The following FMN1 variants were observed in gnomAD, a reference collection of about 807,000 sequenced individuals.
The protein encoded by FMN1 is formin 1, also known as formin-1.
A neutral mutation model predicts 132.4 loss-of-function variants in FMN1; 110 were observed. That is an observed-to-expected ratio of 0.83 (90% CI 0.71 to 0.97). The LOEUF is 0.97. Ranked by LOEUF, FMN1 falls within the 50% of genes least tolerant of loss-of-function variation. The pLI is 0.00. For synonymous variants in FMN1, 722 were observed against 651.7 expected (o/e 1.11, Z -1.64); for missense variants, 1,792 against 1,705.3 (o/e 1.05, Z -0.90).
At chr15:32,841,986 T>C (rs2058754966) in intron 17 of FMN1, among the ~76,000 whole-genome samples, 1 of 152,168 alleles carries the variant, frequency 6.6e-6, no homozygotes, top group Admixed American at 6.5e-5. Flanking sequence ...CCGTGGTAGC[T>C]TGTCTCCAAG....
chr15:32,933,620 A>G (rs535535952), intron 9 of FMN1, among the ~76,000 whole-genome samples: 1 of 152,220 alleles, frequency 6.6e-6, no homozygotes, highest in African/African-American at 2.4e-5. Flanking sequence ...GTTCTGTAAA[A>G]ATTTGCTTCA....
intron 7 of FMN1, among the ~76,000 whole-genome samples, chr15:32,996,340 A>G (rs922802019): frequency 1.3e-5 from 2 of 152,256 alleles, no homozygotes; most frequent in African/African-American, 4.8e-5. Context: ...ACCTAGGGTT[A>G]CATTGCATTT....
At chr15:32,835,892 ACT>A (rs1401976957) in intron 17 of FMN1, among the ~76,000 whole-genome samples, 1 of 151,890 alleles carries the variant, frequency 6.6e-6, no homozygotes, top group Non-Finnish European at 1.5e-5. Flanking sequence ...ACAGGTTCTC[ACT>A]CTGTTACCCA....
chr15:32,897,275 TTTC>T, intron 15 of FMN1, among the ~76,000 whole-genome samples: 1 of 152,328 alleles, frequency 6.6e-6, no homozygotes, highest in African/African-American at 2.4e-5. Flanking sequence ...GGGTTTTTCT[TTTC>T]TTCAGTCTGT....
chr15:33,154,443 T>C lies in FMN1; in HGVS notation c.472A>G (p.Lys158Glu). The change falls in exon 4 of 21, where the codon AAG (lysine) becomes GAG (glutamate). Residue 158 changes from lysine (K) to glutamate (E), a missense_variant. Physicochemically the swap from Lys to Glu is moderately conservative, Grantham distance 56. Transcript: ENST00000616417. Reference sequence around the variant, plus strand: ...CTCCTTCCACTAGACCTCCGAGGCTTTTTGTTCCCGTGGGTGCTCCTCTTA... The same window carrying C: ...CTCCTTCCACTAGACCTCCGAGGCTCTTTGTTCCCGTGGGTGCTCCTCTTA... ...LNKRSTHGNK[K>E]PRRSSGRRES... The C allele has an allele frequency of 6.5e-7, 1 of 1,535,970 alleles. No individual in the cohort carries two copies. The highest frequency in any genetic ancestry group is 8.7e-7 in the Non-Finnish European group (1 of 1,146,886).
chr15:33,172,461 T>C (rs1020829139), intron 3 of FMN1, among the ~76,000 whole-genome samples: 1 of 152,212 alleles, frequency 6.6e-6, no homozygotes, highest in African/African-American at 2.4e-5. Flanking sequence ...GAGAGTGTTA[T>C]GTGGCTCTTC....
intron 16 of FMN1, 142 bp downstream of exon 16, chr15:32,888,030 G>A (rs541421010): frequency 2.8e-5 from 17 of 596,632 alleles, no homozygotes; most frequent in African/African-American, 2.4e-4. Flanking sequence ...TGTAGAGAAG[G>A]AAAGTTTCCT....
chr15:32,926,387 A>ATT, intron 9 of FMN1, 126 bp from the exon 10 acceptor site: 1 of 536,578 alleles, frequency 1.9e-6, no homozygotes, highest in South Asian at 2.5e-5. Context: ...TGCTGCATGC[A>ATT]CTCTTTAAAT....
At chr15:32,829,749 G>C (rs759469695) in intron 17 of FMN1, among the ~76,000 whole-genome samples, 1 of 152,104 alleles carries the variant, frequency 6.6e-6, no homozygotes, top group East Asian at 1.9e-4. Flanking sequence ...CTGTTTAAAG[G>C]GTAAGATTCG....
At chr15:33,103,514 G>T (rs946588599) in intron 4 of FMN1, among the ~76,000 whole-genome samples, 5 of 152,152 alleles carry the variant, frequency 3.3e-5, no homozygotes, top group African/African-American at 1.2e-4. Flanking sequence ...AAGGTAGAAT[G>T]AGACAGAGCT....
chr15:32,969,376 G>A lies in FMN1; in HGVS notation c.2325C>T (p.His775=). ...TIENLKHELE[H]RWRGGCEERK... ...TCTCTTCACAACCCCCTCGCCATCTGTGTTCTAGCTCGTGTTTCAGATTTT... is the reference window on the plus strand; with the variant it reads ...TCTCTTCACAACCCCCTCGCCATCTATGTTCTAGCTCGTGTTTCAGATTTT... Residue 775 remains histidine, a synonymous_variant, in exon 8 of 21, where the codon CAC becomes CAT. Coordinates refer to ENST00000616417, the MANE Select transcript of FMN1 (RefSeq NM_001277313.2). 2 of 1,613,948 alleles carry A rather than the reference G, an allele frequency of 1.2e-6. No individual in the cohort carries two copies. Among genetic ancestry groups the A allele is most frequent in the South Asian group, 2.2e-5 (2 of 91,086 alleles).
In FMN1 at chr15:32,891,516, G is replaced by C. The variant is rs550730158; in HGVS notation, c.3715-3224C>G. 2.0e-4 allele frequency among the ~76,000 whole-genome samples: 31 copies of C among 152,346 alleles called. 1 individual carries two copies. In the South Asian group the frequency reaches 4.8e-3, roughly 23 times the overall value. ...GCATTCCAACTGGGATTACAGGCGT[G>C]AGCCACCGTGTCCAGCCTAGAGTTG... is the stretch of plus-strand genomic sequence containing the variant. On this transcript the variant is annotated intron_variant, in intron 15 of 20. Coordinates refer to ENST00000616417, the MANE Select transcript of FMN1 (RefSeq NM_001277313.2).
intron 3 of FMN1, among the ~76,000 whole-genome samples, chr15:33,158,411 T>G (rs559362149): frequency 1.1e-4 from 16 of 151,552 alleles, no homozygotes; most frequent in South Asian, 1.0e-3. Context: ...AAAGCCACAA[T>G]GCAAGGCATA....
intron 17 of FMN1, among the ~76,000 whole-genome samples, chr15:32,850,533 A>C (rs1414555286): frequency 6.6e-6 from 1 of 152,140 alleles, no homozygotes; most frequent in Non-Finnish European, 1.5e-5. Flanking sequence ...TAAACAGAAA[A>C]CCCAAGGAGG....
chr15:33,088,727 A>C, intron 5 of FMN1, 72 bp downstream of exon 5: 1 of 1,303,268 alleles, frequency 7.7e-7, no homozygotes, highest in Non-Finnish European at 1.0e-6. Context: ...CACAATTTAC[A>C]TTAAATACAT....
At chr15:32,900,660 A>C (rs2060272560) in intron 13 of FMN1, among the ~76,000 whole-genome samples, 1 of 152,182 alleles carries the variant, frequency 6.6e-6, no homozygotes, top group Non-Finnish European at 1.5e-5. Flanking sequence ...ATCTTTAATA[A>C]ATTTATTAAA....
intron 6 of FMN1, among the ~76,000 whole-genome samples, chr15:33,040,416 AAAC>A (rs1325478404): frequency 1.3e-5 from 2 of 152,202 alleles, no homozygotes; most frequent in Admixed American, 1.3e-4. Flanking sequence ...ACAGTGGCAA[AAAC>A]AACAAAACAG....
At chr15:32,958,659 C>CT (rs1168772878) in intron 9 of FMN1, among the ~76,000 whole-genome samples, 2 of 152,160 alleles carry the variant, frequency 1.3e-5, no homozygotes, top group African/African-American at 4.8e-5. Flanking sequence ...AAATTAGTAT[C>CT]TGAGTTCCAC....
intron 4 of FMN1, among the ~76,000 whole-genome samples, chr15:33,092,252 G>A (rs2038929609): frequency 6.6e-6 from 1 of 152,194 alleles, no homozygotes; most frequent in African/African-American, 2.4e-5. Flanking sequence ...AACAACAGAA[G>A]CAGACAGAAT....
Sources: gnomAD v4.1 joint callset for allele counts (sites outside exome capture counted in the v4.1 genomes callset) on GRCh38, gnomAD v4.1.1 for gene constraint, MANE v1.5 for transcripts, NCBI Gene and HGNC (gene_info 2026-07-23, HGNC 2026-07-21) for gene names.